SDR42E1: variants seen among roughly 807,000 people sequenced by gnomAD.
SDR42E1 encodes the protein short-chain dehydrogenase/reductase family 42E member 1.
SDR42E1 carries 5 observed loss-of-function variants against 2.6 expected under a neutral mutation model. That is an observed-to-expected ratio of 1.94 (90% CI 1.01 to 4.08). The LOEUF (loss-of-function observed/expected upper bound fraction) is 4.08, where lower values mean the gene tolerates loss of function less well. SDR42E1 is among the 30% of genes most tolerant of loss of function. The pLI is 0.00. For synonymous variants in SDR42E1, 231 were observed against 188.3 expected, an observed-to-expected ratio of 1.23 and a Z score of -1.86; for missense variants, 596 against 478.6, an observed-to-expected ratio of 1.25 and a Z score of -2.29.
chr16:82,001,707 CCTGA>C (rs1235116377), intron 1 of SDR42E1, among the ~76,000 whole-genome samples: 1 of 151,966 alleles, frequency 6.6e-6, no homozygotes, highest in Non-Finnish European at 1.5e-5. Context: ...TCGAGACCAT[CCTGA>C]CTAACACGGT....
Position 81,993,088 on chromosome 16 carries a change from G to A in SDR42E1, c.*6023C>T, listed in dbSNP as rs1331032513. 1 of 152,162 alleles carries A rather than the reference G, an allele frequency of 6.6e-6. No individual in the cohort carries two copies. Among genetic ancestry groups the A allele is most frequent in the African/African-American group, 2.4e-5 (1 of 41,440 alleles). The allele number at this position is 152,162 out of a possible 1,614,324, so 9.4% of individuals were successfully genotyped here. ...CTGGGACGTAGCAGTGCTTGTCTGT[G>A]TCAACAAAGAACTGGGCCCTGCATA... On this transcript the variant is annotated 3_prime_UTR_variant, in exon 3 of 3. Coordinates refer to ENST00000328945, the MANE Select transcript of SDR42E1 (RefSeq NM_145168.3).
rs1912628467 is a variant in SDR42E1, at chr16:81,999,001, A to C, written c.*110T>G. The C allele has an allele frequency of 8.8e-7, 1 of 1,141,284 alleles. No homozygotes were observed. The highest frequency in any genetic ancestry group is 1.2e-6 in the Non-Finnish European group (1 of 814,174). The allele number at this position is 1,141,284 out of a possible 1,614,324, so 70.7% of individuals were successfully genotyped here. A position where few individuals can be genotyped will look rare whatever the true frequency, so the allele number is the denominator to read the frequency against. On this transcript the variant is annotated 3_prime_UTR_variant, in exon 3 of 3. Coordinates refer to ENST00000328945, the MANE Select transcript of SDR42E1 (RefSeq NM_145168.3). ...ATCCAAGAACCTATTCTTAAGTAGC[A>C]ATTTGAAGAGCCAATGTTTGGCACC...
At chr16:82,002,875 A>T (rs562846118) in intron 1 of SDR42E1, among the ~76,000 whole-genome samples, 3 of 152,342 alleles carry the variant, frequency 2.0e-5, no homozygotes, top group Admixed American at 1.3e-4. Context: ...CACTCCACAG[A>T]TGTCATTCCT....
Position 81,998,162 on chromosome 16 carries a change from C to T in SDR42E1, c.*949G>A, listed in dbSNP as rs867747448. The T allele has an allele frequency of 2.0e-5, 3 of 152,142 alleles. No individual in the cohort carries two copies. Among genetic ancestry groups the T allele is most frequent in the Middle Eastern group, 6.3e-3 (2 of 316 alleles). The allele number at this position is 152,142 out of a possible 1,614,324, so 9.4% of individuals were successfully genotyped here. Reference sequence around the variant, plus strand: ...CTGTCTTCAGAGAGCCAATCTTCTTCCCAGTAAGAAAACCCATCTATGAGT... The same window carrying T: ...CTGTCTTCAGAGAGCCAATCTTCTTTCCAGTAAGAAAACCCATCTATGAGT... On this transcript the variant is annotated 3_prime_UTR_variant, in exon 3 of 3. Coordinates refer to ENST00000328945, the MANE Select transcript of SDR42E1 (RefSeq NM_145168.3).
At position 81,998,233 on chromosome 16, in the gene SDR42E1, T is replaced by G. The variant is rs577367554; in HGVS notation, c.*878A>C. ...TAAACTAAAAATGGCATCAGCTTGA[T>G]TGACTCCCTTAATCATCAGATTTTT... On this transcript the variant is annotated 3_prime_UTR_variant, in exon 3 of 3. Coordinates refer to ENST00000328945, the MANE Select transcript of SDR42E1 (RefSeq NM_145168.3). 6.6e-6 allele frequency: 1 copy of G among 152,234 alleles called. No homozygotes were observed. The highest frequency in any genetic ancestry group is 1.5e-5 in the Non-Finnish European group (1 of 68,038). The allele number at this position is 152,234 out of a possible 1,614,324, so 9.4% of individuals were successfully genotyped here.
chr16:82,010,360 A>T (rs911912461), intron 1 of SDR42E1, among the ~76,000 whole-genome samples: 1 of 152,164 alleles, frequency 6.6e-6, no homozygotes, highest in African/African-American at 2.4e-5. Flanking sequence ...CCGGGTCTGT[A>T]TGACTCTTAA....
chr16:81,998,522 G>C lies in SDR42E1; in HGVS notation c.*589C>G, dbSNP rs1253141065. The C allele has an allele frequency of 8.5e-5, 13 of 153,046 alleles. No homozygotes were observed. The highest frequency in any genetic ancestry group is 5.9e-4 in the Admixed American group (9 of 15,380). 9.5% of individuals were successfully genotyped at this position (153,046 alleles called of 1,614,324 possible). On this transcript the variant is annotated 3_prime_UTR_variant, in exon 3 of 3. Transcript: ENST00000328945. ...AAAGAATCCTATGAGGTAGAATAAA[G>C]GCCTAAACATCAAACATTACCATGT...
chr16:82,000,491 A>G (rs1597176843), intron 2 of SDR42E1: 1 of 613,804 alleles, frequency 1.6e-6, no homozygotes, highest in East Asian at 2.8e-5. Flanking sequence ...AGGGCCCACT[A>G]TCTATTCTTT....
In SDR42E1 at chr16:81,992,913, G is replaced by A. The variant is rs1912459838; in HGVS notation, c.*6198C>T. 6.6e-6 allele frequency: 1 copy of A among 152,076 alleles called. No homozygotes were observed. The highest frequency in any genetic ancestry group is 1.5e-5 in the Non-Finnish European group (1 of 68,010). 9.4% of individuals were successfully genotyped at this position (152,076 alleles called of 1,614,324 possible). On this transcript the variant is annotated 3_prime_UTR_variant, in exon 3 of 3. Coordinates refer to ENST00000328945, the MANE Select transcript of SDR42E1 (RefSeq NM_145168.3). ...ATTTGCACAACTTAGAGATACCAGGGACTGGTTGACTCTATTTCTGGTTTG... is the reference window on the plus strand; with the variant it reads ...ATTTGCACAACTTAGAGATACCAGGAACTGGTTGACTCTATTTCTGGTTTG...
rs1912729987 is a variant in SDR42E1 at position 82,000,779 on chromosome 16, A to G, written c.68+12T>C. 3.8e-6 allele frequency: 6 copies of G among 1,587,252 alleles called. No individual in the cohort carries two copies. The highest frequency in any genetic ancestry group is 5.2e-6 in the Non-Finnish European group (6 of 1,156,684). ...AAATAATTCCATGTGTATATTTTAT[A>G]GATACACTTACCGAAAACCAAAATA... On this transcript the variant is annotated intron_variant, in intron 2 of 2. Coordinates refer to ENST00000328945, the MANE Select transcript of SDR42E1 (RefSeq NM_145168.3).
chr16:82,010,465 C>G (rs1427176169), intron 1 of SDR42E1, among the ~76,000 whole-genome samples: 1 of 152,022 alleles, frequency 6.6e-6, no homozygotes, highest in Non-Finnish European at 1.5e-5. Context: ...ATCTTGGGGT[C>G]CCAAGATCAC....
In SDR42E1 at chr16:82,000,131, T is replaced by C. The variant is rs1912705426; in HGVS notation, c.162A>G (p.Ile54Met). The change falls in exon 3 of 3, where the codon ATA becomes ATG. Residue 54 changes from isoleucine (I) to methionine (M), a missense_variant. Ile to Met is a conservative substitution (Grantham distance 10). Coordinates refer to ENST00000328945, the MANE Select transcript of SDR42E1 (RefSeq NM_145168.3). ...AQTIPEGIKF[I>M]QGDIRHLSDV... ...CAGACAGGTGGCGGATGTCTCCTTG[T>C]ATAAACTTGATTCCTTCTGGAATGG... 1 of 1,614,214 alleles carries C rather than the reference T, an allele frequency of 6.2e-7. No homozygotes were observed. The highest frequency in any genetic ancestry group is 8.5e-7 in the Non-Finnish European group (1 of 1,180,030).
At chr16:82,003,637 G>C (rs763766804) in intron 1 of SDR42E1, among the ~76,000 whole-genome samples, 3 of 152,144 alleles carry the variant, frequency 2.0e-5, no homozygotes, top group Admixed American at 1.3e-4. Flanking sequence ...CAATATTTAG[G>C]TCTGCTGACA....
rs1189280129 is a variant in SDR42E1, at chr16:81,996,831, C to T, written c.*2280G>A. The T allele has an allele frequency of 1.3e-5, 2 of 152,118 alleles. No homozygotes were observed. Among genetic ancestry groups the T allele is most frequent in the African/African-American group, 4.8e-5 (2 of 41,410 alleles). The allele number at this position is 152,118 out of a possible 1,614,324, so 9.4% of individuals were successfully genotyped here. A position where few individuals can be genotyped will look rare whatever the true frequency, so the allele number is the denominator to read the frequency against. On this transcript the variant is annotated 3_prime_UTR_variant, in exon 3 of 3. Coordinates refer to ENST00000328945, the MANE Select transcript of SDR42E1 (RefSeq NM_145168.3). ...GTTCCACGTTGGCCTCCAATGACAC[C>T]ACCTCCTGGTATTCATATCCTTGTG...
chr16:82,000,255 A>C, intron 2 of SDR42E1, 31 bp from the exon 3 acceptor site: 1 of 1,599,900 alleles, frequency 6.3e-7, no homozygotes, highest in Non-Finnish European at 8.5e-7. Context: ...CGTTGAATCA[A>C]GTCACTCTTA....
In SDR42E1 at chr16:82,000,879, C is replaced by G; in HGVS notation, c.-21G>C. 1 of 1,602,700 alleles carries G rather than the reference C, an allele frequency of 6.2e-7. No homozygotes were observed. ...TCCATATGTGGCAGTCAAAAGATAA[C>G]TGGACCTGAAGAAAGAAGTATGCAT... On this transcript the variant is annotated 5_prime_UTR_variant, in exon 2 of 3. Coordinates refer to ENST00000328945, the MANE Select transcript of SDR42E1 (RefSeq NM_145168.3).
chr16:81,999,114 C>A lies in SDR42E1; in HGVS notation c.1179G>T (p.Leu393=). The A allele has an allele frequency of 3.1e-6, 5 of 1,612,848 alleles. No individual in the cohort carries two copies. The highest frequency in any genetic ancestry group is 4.2e-6 in the Non-Finnish European group (5 of 1,179,478). Reference sequence around the variant, plus strand: ...CACCTTATTTCTGGCCCCTCCTTCACAGTGACAGAATCACAGAAGAAGGCA... The same window carrying A: ...CACCTTATTTCTGGCCCCTCCTTCAAAGTGACAGAATCACAGAAGAAGGCA... The part of the protein sequence containing the change: ...MWLPSSVILS[L] The change falls in exon 3 of 3, where the codon CTG becomes CTT. Residue 393 remains leucine (L), a synonymous_variant. Coordinates refer to ENST00000328945, the MANE Select transcript of SDR42E1 (RefSeq NM_145168.3).
chr16:82,000,982 T>A, intron 1 of SDR42E1, 98 bp from the exon 2 acceptor site: 1 of 728,502 alleles, frequency 1.4e-6, no homozygotes, highest in Non-Finnish European at 2.2e-6. Context: ...TACGCTGTAG[T>A]AGAATGAAAA....
intron 1 of SDR42E1, among the ~76,000 whole-genome samples, chr16:82,010,275 A>C (rs11859929): frequency 0.045 from 6,881 of 152,304 alleles, 499 homozygotes; most frequent in African/African-American, 0.15. Flanking sequence ...AATGAGGAAA[A>C]TAGATCAGAG....
Sources: gnomAD v4.1 joint callset for allele counts (sites outside exome capture counted in the v4.1 genomes callset) on GRCh38, gnomAD v4.1.1 for gene constraint, MANE v1.5 for transcripts, NCBI Gene and HGNC (gene_info 2026-07-23, HGNC 2026-07-21) for gene names.